PRDM16: variants seen among roughly 807,000 people sequenced by gnomAD.
The protein encoded by PRDM16 is histone-lysine N-methyltransferase PRDM16.
A neutral mutation model predicts 110.6 loss-of-function variants in PRDM16; 23 were observed. The observed-to-expected ratio is 0.21, with a 90% CI of 0.15 to 0.29. The LOEUF (loss-of-function observed/expected upper bound fraction) is 0.29. Among genes scored for constraint, PRDM16 ranks in the 10% least tolerant of loss-of-function variants. The pLI is 1.00. For synonymous variants in PRDM16, 799 were observed against 781.8 expected, an observed-to-expected ratio of 1.02 and a Z score of -0.37; for missense variants, 1,615 against 1,794.3, an observed-to-expected ratio of 0.90 and a Z score of 1.81.
intron 3 of PRDM16, among the ~76,000 whole-genome samples, chr1:3,280,226 CTG>C (rs1640683822): frequency 6.6e-6 from 1 of 152,142 alleles, no homozygotes; most frequent in Non-Finnish European, 1.5e-5. Flanking sequence ...GAAGCCGACT[CTG>C]TGTGTTCGTG....
At chr1:3,102,835 T>C (rs1009164053) in intron 1 of PRDM16, among the ~76,000 whole-genome samples, 7 of 152,228 alleles carry the variant, frequency 4.6e-5, no homozygotes, top group Non-Finnish European at 7.3e-5. Flanking sequence ...GTGGCTGCTC[T>C]CCTTCCTGCT....
intron 15 of PRDM16, among the ~76,000 whole-genome samples, chr1:3,431,464 G>A (rs1258605833): frequency 6.6e-6 from 1 of 152,260 alleles, no homozygotes; most frequent in African/African-American, 2.4e-5. Context: ...GCACACGGGG[G>A]CCAAGCACCC....
At chr1:3,412,903 C>A in intron 9 of PRDM16, 103 bp downstream of exon 9, 1 of 990,974 alleles carries the variant, frequency 1.0e-6, no homozygotes, top group South Asian at 2.2e-5. Flanking sequence ...CCTCCAAGGT[C>A]GTCCCCCGGC....
chr1:3,071,745 T>C (rs1013030356), intron 1 of PRDM16, among the ~76,000 whole-genome samples: 1 of 152,060 alleles, frequency 6.6e-6, no homozygotes, highest in Non-Finnish European at 1.5e-5. Context: ...ACTGTGGGGT[T>C]GGGCAGGGGC....
At chr1:3,388,152 T>C (rs1643233924) in intron 4 of PRDM16, among the ~76,000 whole-genome samples, 2 of 152,250 alleles carry the variant, frequency 1.3e-5, no homozygotes, top group African/African-American at 4.8e-5. Context: ...CATCACATGA[T>C]ACTAATGCCA....
At chr1:3,233,960 G>A (rs1304135927) in intron 2 of PRDM16, among the ~76,000 whole-genome samples, 1 of 152,136 alleles carries the variant, frequency 6.6e-6, no homozygotes, top group Middle Eastern at 3.4e-3. Context: ...TCTTGCGGGT[G>A]GGAGTGGCTG....
chr1:3,171,907 C>T (rs1479390378), intron 1 of PRDM16, among the ~76,000 whole-genome samples: 2 of 152,130 alleles, frequency 1.3e-5, no homozygotes, highest in Non-Finnish European at 2.9e-5. Flanking sequence ...CCTGGAGCAG[C>T]GAGCCGAGCT....
chr1:3,310,982 C>T (rs912620085), intron 3 of PRDM16, among the ~76,000 whole-genome samples: 3 of 151,480 alleles, frequency 2.0e-5, no homozygotes, highest in South Asian at 2.1e-4. Context: ...CATGTGTGTG[C>T]GTGTGTGCGT....
chr1:3,196,975 G>T (rs1178814567), intron 2 of PRDM16, among the ~76,000 whole-genome samples: 1 of 152,308 alleles, frequency 6.6e-6, no homozygotes, highest in Non-Finnish European at 1.5e-5. Context: ...TTGCCCAGGG[G>T]GGTCTGTGCA....
At chr1:3,278,257 A>G (rs1455800874) in intron 3 of PRDM16, among the ~76,000 whole-genome samples, 2 of 152,108 alleles carry the variant, frequency 1.3e-5, no homozygotes, top group African/African-American at 4.8e-5. Context: ...CAGCATCCCA[A>G]ATCCTCCCCA....
chr1:3,197,566 C>A (rs1007193771), intron 2 of PRDM16, among the ~76,000 whole-genome samples: 1 of 152,230 alleles, frequency 6.6e-6, no homozygotes, highest in Non-Finnish European at 1.5e-5. Flanking sequence ...GGTAGGCCTA[C>A]GAGGGCGGCA....
rs571231301 is a variant in PRDM16, at chr1:3,435,413, TC to T, written c.*1609del. The T allele has an allele frequency of 3.5e-5, 8 of 230,752 alleles. No homozygotes were observed. Among genetic ancestry groups the T allele is most frequent in the South Asian group, 1.8e-4 (1 of 5,500 alleles). 14.3% of individuals were successfully genotyped at this position (230,752 alleles called of 1,614,324 possible). A position where few individuals can be genotyped will look rare whatever the true frequency, so the allele number is the denominator to read the frequency against. ...ATTTTTTATGTGCCAAATACCCCCG[TC>T]CCCCCCATGAATCCTGCTGTCCCTG... On this transcript the variant is annotated 3_prime_UTR_variant, in exon 17 of 17. Coordinates refer to ENST00000270722, the MANE Select transcript of PRDM16 (RefSeq NM_022114.4).
intron 3 of PRDM16, among the ~76,000 whole-genome samples, chr1:3,375,203 C>T (rs1307397573): frequency 2.6e-5 from 4 of 152,190 alleles, no homozygotes; most frequent in Non-Finnish European, 5.9e-5. Context: ...AGAGGTCAGT[C>T]TCTGAAGCAC....
intron 2 of PRDM16, chr1:3,205,962 C>T (rs1393113587): frequency 6.6e-6 from 1 of 152,396 alleles, no homozygotes; most frequent in Non-Finnish European, 1.5e-5. Flanking sequence ...AGCCCCCAGC[C>T]CCCTGCCCTG....
In PRDM16 at chr1:3,244,470, G is replaced by C. The variant is rs1033723223; in HGVS notation, c.438+333G>C. On this transcript the variant is annotated intron_variant, in intron 3 of 16. Transcript: ENST00000270722. The surrounding 1 kb of genome is among the most constrained non-coding windows in gnomAD (Gnocchi z 4.1). Reference sequence around the variant, plus strand: ...CAGGAAAATTAAATAAACGCAGGTTGTGTTTATTTAACTGTCTTTGCTGGA... The same window carrying C: ...CAGGAAAATTAAATAAACGCAGGTTCTGTTTATTTAACTGTCTTTGCTGGA... Among the ~76,000 whole-genome samples the C allele has an allele frequency of 3.3e-5, 5 of 152,178 alleles. No individual in the cohort carries two copies. Among genetic ancestry groups the C allele is most frequent in the African/African-American group, 1.2e-4 (5 of 41,440 alleles).
At chr1:3,293,886 G>C (rs1202455210) in intron 3 of PRDM16, among the ~76,000 whole-genome samples, 1 of 152,232 alleles carries the variant, frequency 6.6e-6, no homozygotes, top group Non-Finnish European at 1.5e-5. Context: ...CTGAGGGCCT[G>C]AAGGCACCCC....
At chr1:3,202,053 G>A (rs1177453773) in intron 2 of PRDM16, among the ~76,000 whole-genome samples, 2 of 152,142 alleles carry the variant, frequency 1.3e-5, no homozygotes, top group African/African-American at 4.8e-5. Flanking sequence ...AGGTTAGGAG[G>A]GCTTTCCACC....
chr1:3,223,900 C>G (rs16823542), intron 2 of PRDM16, among the ~76,000 whole-genome samples: 1 of 152,092 alleles, frequency 6.6e-6, no homozygotes, highest in African/African-American at 2.4e-5. Flanking sequence ...AGCAGATGAA[C>G]GAGGAAGACA....
At chr1:3,099,134 A>T in intron 1 of PRDM16, among the ~76,000 whole-genome samples, 1 of 152,178 alleles carries the variant, frequency 6.6e-6, no homozygotes, top group East Asian at 1.9e-4. Flanking sequence ...GGGTTCTCAA[A>T]TGGGCTTCCT....
Sources: allele counts gnomAD v4.1 joint callset (sites outside exome capture counted in the v4.1 genomes callset), GRCh38; gene constraint gnomAD v4.1.1; non-coding constraint Gnocchi (gnomAD v3.1); transcripts MANE v1.5; gene names NCBI Gene and HGNC (gene_info 2026-07-23, HGNC 2026-07-21).